ACSM3: variants seen among roughly 807,000 people sequenced by gnomAD.
The protein encoded by ACSM3 is acyl-CoA synthetase medium chain family member 3.
ACSM3 carries 61 observed loss-of-function variants against 74.1 expected under a neutral mutation model. The observed-to-expected ratio is 0.82, with a 90% CI of 0.67 to 1.02. ACSM3 has a LOEUF of 1.02. Among genes scored for constraint, ACSM3 ranks in the 50% least tolerant of loss-of-function variants. ACSM3 has a pLI of 0.00. For missense variants in ACSM3, 660 were observed against 697.0 expected, an observed-to-expected ratio of 0.95 and a Z score of 0.60; for synonymous variants, 213 against 241.5, an observed-to-expected ratio of 0.88 and a Z score of 1.09.
At chr16:20,762,414 A>C (rs74011871), upstream of ACSM3, among the ~76,000 whole-genome samples, 8,371 of 152,048 alleles carry the variant, frequency 0.055, 771 homozygotes, top group African/African-American at 0.19. Context: ...GAAAAAAAAG[A>C]AAAAAAAGAA....
chr16:20,764,221 C>A (rs375638134), intron 1 of ACSM3, 96 bp downstream of exon 1: 3 of 152,244 alleles, frequency 2.0e-5, no homozygotes, highest in South Asian at 4.1e-4. Context: ...AACCAACAAT[C>A]AAAAATGCTG....
At chr16:20,783,811 A>G (rs2080407029) in intron 7 of ACSM3, among the ~76,000 whole-genome samples, 1 of 30,490 alleles carries the variant, frequency 3.3e-5, no homozygotes, top group African/African-American at 6.5e-5. Context: ...TCCCCGTCTC[A>G]ATTTTTTTTT....
intron 4 of ACSM3, among the ~76,000 whole-genome samples, chr16:20,778,653 T>C (rs2080287860): frequency 6.6e-6 from 1 of 152,190 alleles, no homozygotes; most frequent in African/African-American, 2.4e-5. Flanking sequence ...ACTCCTCACT[T>C]CTGTATGTAC....
intron 1 of ACSM3, chr16:20,737,938 T>C (rs1414115187): frequency 1.3e-6 from 2 of 1,597,232 alleles, no homozygotes; most frequent in Non-Finnish European, 1.7e-6. Flanking sequence ...GAGAATATGA[T>C]GCACCAATTT....
chr16:20,729,353 T>A lies in ACSM3; in HGVS notation c.-189-20557T>A, dbSNP rs574601081. The A allele has an allele frequency of 6.2e-5, 90 of 1,442,562 alleles. 1 individual carries two copies. The African/African-American group carries it at 1.1e-3, about 18-fold the overall frequency. 89.4% of individuals were successfully genotyped at this position (1,442,562 alleles called of 1,614,324 possible). A position where few individuals can be genotyped will look rare whatever the true frequency, so the allele number is the denominator to read the frequency against. On this transcript the variant is annotated intron_variant, in intron 1 of 3. Transcript: ENST00000561584. ...CAGAGCTGATGATGTCATTATTTCCTCTGGGTTTGTAGATTTGCCACTCTT... is the reference window on the plus strand; with the variant it reads ...CAGAGCTGATGATGTCATTATTTCCACTGGGTTTGTAGATTTGCCACTCTT...
chr16:20,705,779 G>T (rs146933470), intron 1 of ACSM3, among the ~76,000 whole-genome samples: 1 of 152,184 alleles, frequency 6.6e-6, no homozygotes, highest in Non-Finnish European at 1.5e-5. Flanking sequence ...AGACTCAGAT[G>T]TTGGAATTAG....
intron 1 of ACSM3, chr16:20,733,888 TTAAC>T (rs1337738609): frequency 1.3e-5 from 2 of 152,122 alleles, no homozygotes; most frequent in Non-Finnish European, 2.9e-5. Flanking sequence ...TTTTATTTTT[TTAAC>T]TGACGTAATT....
chr16:20,718,786 A>G (rs1487881282), intron 1 of ACSM3, among the ~76,000 whole-genome samples: 2 of 152,172 alleles, frequency 1.3e-5, no homozygotes, highest in Non-Finnish European at 2.9e-5. Context: ...CCTAAAAGAG[A>G]GACTATCCTA....
chr16:20,728,397 GA>G, intron 1 of ACSM3: 2 of 1,442,016 alleles, frequency 1.4e-6, no homozygotes, highest in Non-Finnish European at 1.9e-6. Flanking sequence ...GATTATAGAT[GA>G]AAATGGCAAT....
At chr16:20,788,606 A>T (rs535165011) in intron 9 of ACSM3, among the ~76,000 whole-genome samples, 1 of 152,206 alleles carries the variant, frequency 6.6e-6, no homozygotes, top group Non-Finnish European at 1.5e-5. Flanking sequence ...AACCAGGTGA[A>T]TATCAGATTC....
chr16:20,717,274 C>G (rs762028110), intron 1 of ACSM3, among the ~76,000 whole-genome samples: 9 of 152,264 alleles, frequency 5.9e-5, no homozygotes, highest in Non-Finnish European at 1.2e-4. Context: ...TCTCATTGTC[C>G]ATACTGCATC....
intron 1 of ACSM3, chr16:20,738,787 A>G (rs2079892299): frequency 1.6e-6 from 2 of 1,275,878 alleles, no homozygotes; most frequent in East Asian, 2.3e-5. Context: ...GCTGCCATCA[A>G]ATGATTAACT....
intron 1 of ACSM3, chr16:20,737,811 C>T: frequency 6.2e-7 from 1 of 1,613,822 alleles, no homozygotes; most frequent in Non-Finnish European, 8.5e-7. Context: ...ACCAGGGTTC[C>T]AAAAATGTTT....
chr16:20,680,657 C>A (rs1342265479), intron 1 of ACSM3: 1 of 152,234 alleles, frequency 6.6e-6, no homozygotes, highest in Non-Finnish European at 1.5e-5. Context: ...GGAGAAATAA[C>A]CTGCCTAGGG....
chr16:20,715,000 G>A (rs200531862), intron 1 of ACSM3, among the ~76,000 whole-genome samples: 15 of 151,484 alleles, frequency 9.9e-5, no homozygotes, highest in Non-Finnish European at 1.9e-4. Context: ...ACGAAAGATA[G>A]ATAGATAGGT....
intron 1 of ACSM3, among the ~76,000 whole-genome samples, chr16:20,705,019 A>G (rs1372876433): frequency 2.0e-5 from 3 of 152,182 alleles, no homozygotes; most frequent in Admixed American, 2.0e-4. Flanking sequence ...ACTATGTAGT[A>G]TTTTCCATAG....
At position 20,797,472 on chromosome 16, in the gene ACSM3, C is replaced by CAAATAATTTAAATAATTT; in HGVS notation, c.*512_*513insTAATTTAAATAATTTAAA. 1.0e-5 allele frequency: 11 copies of CAAATAATTTAAATAATTT among 1,076,624 alleles called. No homozygotes were observed. The highest frequency in any genetic ancestry group is 1.2e-5 in the Non-Finnish European group (11 of 888,266). The allele number at this position is 1,076,624 out of a possible 1,614,324, so 66.7% of individuals were successfully genotyped here. A position where few individuals can be genotyped will look rare whatever the true frequency, so the allele number is the denominator to read the frequency against. On this transcript the variant is annotated 3_prime_UTR_variant, in exon 14 of 14. Coordinates refer to ENST00000289416, the MANE Select transcript of ACSM3 (RefSeq NM_005622.4). ...GGATTTTTATTAGTCACATTTTTTG[C>CAAATAATTTAAATAATTT]AAATAATTTAAAAATAGTTTAGACT...
chr16:20,706,725 T>G lies in ACSM3; in HGVS notation c.-190+31903T>G, dbSNP rs534654988. On this transcript the variant is annotated intron_variant, in intron 1 of 3. Coordinates refer to the ACSM3 transcript ENST00000561584. ...CTAGGGCTCTGACAGGAGGCAGTCA[T>G]GCACAGTAGTACCTCAGAAGACAGG... Among the ~76,000 whole-genome samples, 18 of 152,290 alleles carry G rather than the reference T, an allele frequency of 1.2e-4. 1 individual carries two copies. Among genetic ancestry groups the G allele is most frequent in the African/African-American group, 4.3e-4 (18 of 41,562 alleles).
chr16:20,732,344 T>G (rs940342848), intron 1 of ACSM3, among the ~76,000 whole-genome samples: 14 of 152,210 alleles, frequency 9.2e-5, no homozygotes, highest in Non-Finnish European at 1.8e-4. Context: ...ACCTAAGAAC[T>G]ATTCAACAAT....
Sources: allele counts gnomAD v4.1 joint callset (sites outside exome capture counted in the v4.1 genomes callset), GRCh38; gene constraint gnomAD v4.1.1; transcripts MANE v1.5; gene names NCBI Gene and HGNC (gene_info 2026-07-23, HGNC 2026-07-21).